The following VSTM5 variants were observed in gnomAD, a reference collection of about 807,000 sequenced individuals.
VSTM5 encodes the protein V-set and transmembrane domain-containing protein 5.
In VSTM5, 21 loss-of-function variants were observed where a neutral mutation model predicts 20.3. That is an observed-to-expected ratio of 1.03 (90% CI 0.73 to 1.49). The LOEUF (loss-of-function observed/expected upper bound fraction) is 1.49. Ranked by LOEUF, VSTM5 falls within the 40% of genes most tolerant of loss-of-function variation. The probability of loss-of-function intolerance (pLI) is 0.00; values close to 1 mark genes in which losing one functional copy is unlikely to be tolerated. For synonymous variants in VSTM5, 100 were observed against 102.5 expected, an observed-to-expected ratio of 0.98 and a Z score of 0.14; for missense variants, 219 against 250.0, an observed-to-expected ratio of 0.88 and a Z score of 0.84.
At chr11:93,832,339 T>C (rs1171419277) in intron 1 of VSTM5, among the ~76,000 whole-genome samples, 3 of 152,270 alleles carry the variant, frequency 2.0e-5, no homozygotes, top group African/African-American at 7.2e-5. Flanking sequence ...ATAAAGTAAT[T>C]ATATGTGTAT....
chr11:93,830,393 C>T (rs1944272159), intron 1 of VSTM5, among the ~76,000 whole-genome samples: 1 of 152,184 alleles, frequency 6.6e-6, no homozygotes, highest in South Asian at 2.1e-4. Context: ...CCTGTGCCAG[C>T]CTCTGAGAGA....
rs1484037814 is a variant in VSTM5 at position 93,820,425 on chromosome 11, C to T, written c.*144G>A. 3.7e-6 allele frequency: 3 copies of T among 812,502 alleles called. No homozygotes were observed. Among genetic ancestry groups the T allele is most frequent in the East Asian group, 5.4e-5 (2 of 37,332 alleles). 50.3% of individuals were successfully genotyped at this position (812,502 alleles called of 1,614,324 possible). A position where few individuals can be genotyped will look rare whatever the true frequency, so the allele number is the denominator to read the frequency against. On this transcript the variant is annotated 3_prime_UTR_variant, in exon 4 of 4. Transcript: ENST00000409977. ...CCCATCCACAGTCCTCAACTCCATG[C>T]AGTCAATGTTGTTAATCTCCCACTG...
At chr11:93,832,812 A>G (rs930549818) in intron 1 of VSTM5, among the ~76,000 whole-genome samples, 2 of 152,216 alleles carry the variant, frequency 1.3e-5, no homozygotes, top group Non-Finnish European at 2.9e-5. Context: ...TTGCTAAGTA[A>G]AAATTCAGAG....
intron 1 of VSTM5, among the ~76,000 whole-genome samples, chr11:93,841,530 A>G (rs1477034221): frequency 6.6e-6 from 1 of 152,144 alleles, no homozygotes; most frequent in Non-Finnish European, 1.5e-5. Context: ...CTCCATTAGA[A>G]CCACCTGGAG....
intron 1 of VSTM5, among the ~76,000 whole-genome samples, chr11:93,847,419 T>G (rs1183940281): frequency 6.6e-6 from 1 of 152,214 alleles, no homozygotes; most frequent in Non-Finnish European, 1.5e-5. Context: ...ATTCTGGCTG[T>G]GGCATCCCTG....
chr11:93,823,082 T>C (rs1814402624), intron 1 of VSTM5, among the ~76,000 whole-genome samples: 1 of 152,096 alleles, frequency 6.6e-6, no homozygotes, highest in South Asian at 2.1e-4. Flanking sequence ...ACTGCAAAAC[T>C]AAAAAATAAA....
intron 1 of VSTM5, among the ~76,000 whole-genome samples, chr11:93,826,496 C>T (rs1401020977): frequency 1.3e-5 from 2 of 151,902 alleles, no homozygotes; most frequent in African/African-American, 4.8e-5. Flanking sequence ...CTCCCGGGTT[C>T]GTGCCATTCT....
At chr11:93,848,122 G>A (rs1486407853) in intron 1 of VSTM5, among the ~76,000 whole-genome samples, 1 of 152,140 alleles carries the variant, frequency 6.6e-6, no homozygotes, top group East Asian at 1.9e-4. Flanking sequence ...ACATTTGTAG[G>A]GGAAAGGTTT....
At chr11:93,831,667 G>A (rs918591808) in intron 1 of VSTM5, among the ~76,000 whole-genome samples, 12 of 152,202 alleles carry the variant, frequency 7.9e-5, no homozygotes, top group African/African-American at 2.7e-4. Flanking sequence ...GTAAACAGAT[G>A]CAGGTTTAGG....
At chr11:93,845,957 A>G (rs957644388) in intron 1 of VSTM5, among the ~76,000 whole-genome samples, 1 of 152,256 alleles carries the variant, frequency 6.6e-6, no homozygotes, top group African/African-American at 2.4e-5. Flanking sequence ...AGCAACACAC[A>G]TTCTCTTTGG....
chr11:93,847,041 AGGCATGAGCCACCATACCT>A (rs1330425246), intron 1 of VSTM5, among the ~76,000 whole-genome samples: 1 of 152,202 alleles, frequency 6.6e-6, no homozygotes, highest in Non-Finnish European at 1.5e-5. Flanking sequence ...CTGGGATTAC[AGGCATGAGCCACCATACCT>A]GGCCCCATGA....
At chr11:93,825,729 G>T (rs1565299757) in intron 1 of VSTM5, among the ~76,000 whole-genome samples, 1 of 146,680 alleles carries the variant, frequency 6.8e-6, no homozygotes. Context: ...AATGGGACAG[G>T]TTTTTTTTTT....
Position 93,821,036 on chromosome 11 carries a change from C to T in VSTM5, c.379G>A (p.Gly127Arg), listed in dbSNP as rs1360069075. ...ACGATGGTGCCAAACTGGCTGCTCC[C>T]CAGGCGCTCCGTCACGGTGATGACA... ...YYVITVTERL[G>R]SSQFGTIVLH... Residue 127 changes from glycine to arginine, a missense_variant, in exon 2 of 4, where the codon GGG (glycine) becomes AGG (arginine). Coordinates refer to ENST00000409977, the MANE Select transcript of VSTM5 (RefSeq NM_001144871.2). The T allele has an allele frequency of 6.4e-7, 1 of 1,551,588 alleles. No homozygotes were observed. The highest frequency in any genetic ancestry group is 8.7e-7 in the Non-Finnish European group (1 of 1,147,018).
chr11:93,838,563 G>A (rs1944343018), intron 1 of VSTM5, among the ~76,000 whole-genome samples: 1 of 151,400 alleles, frequency 6.6e-6, no homozygotes, highest in Non-Finnish European at 1.5e-5. Context: ...AGGCCGAGGT[G>A]GGCAGATCAC....
At chr11:93,826,780 G>A (rs1237485064) in intron 1 of VSTM5, among the ~76,000 whole-genome samples, 1 of 151,778 alleles carries the variant, frequency 6.6e-6, no homozygotes, top group African/African-American at 2.4e-5. Flanking sequence ...TATAAATTAT[G>A]GTATGCTATA....
chr11:93,826,308 G>T (rs760764954), intron 1 of VSTM5, among the ~76,000 whole-genome samples: 64 of 151,978 alleles, frequency 4.2e-4, no homozygotes, highest in Non-Finnish European at 8.1e-4. Context: ...TTTCTGACCT[G>T]ATCTTTATTA....
At chr11:93,824,154 C>T (rs1944214127) in intron 1 of VSTM5, among the ~76,000 whole-genome samples, 1 of 152,110 alleles carries the variant, frequency 6.6e-6, no homozygotes, top group Non-Finnish European at 1.5e-5. Context: ...GTGATCCACC[C>T]ACCTCGGTCT....
At chr11:93,841,489 A>G (rs7949505) in intron 1 of VSTM5, among the ~76,000 whole-genome samples, 29,053 of 152,172 alleles carry the variant, frequency 0.19, 3,191 homozygotes, top group African/African-American at 0.3. Context: ...ACCCTCTTCA[A>G]AACTCTAACA....
At chr11:93,829,832 T>C (rs78150677) in intron 1 of VSTM5, among the ~76,000 whole-genome samples, 5,121 of 152,274 alleles carry the variant, frequency 0.034, 272 homozygotes, top group African/African-American at 0.12. Flanking sequence ...TGGCCTGCAG[T>C]TCCCTGAGGT....
Sources: gnomAD v4.1 joint callset for allele counts (sites outside exome capture counted in the v4.1 genomes callset) on GRCh38, gnomAD v4.1.1 for gene constraint, MANE v1.5 for transcripts, NCBI Gene and HGNC (gene_info 2026-07-23, HGNC 2026-07-21) for gene names.